Variants in PTPRM observed in about 807,000 individuals in gnomAD.
PTPRM encodes protein tyrosine phosphatase receptor type M, also known as receptor-type tyrosine-protein phosphatase mu.
A neutral mutation model predicts 186.7 loss-of-function variants in PTPRM; 47 were observed. The observed-to-expected ratio is 0.25, with a 90% CI of 0.20 to 0.32. The LOEUF (loss-of-function observed/expected upper bound fraction) is 0.32, where lower values mean the gene tolerates loss of function less well. Ranked by LOEUF, PTPRM falls within the 10% of genes least tolerant of loss-of-function variation. PTPRM has a pLI of 1.00. For missense variants in PTPRM, 1,494 were observed against 1,865.0 expected, an observed-to-expected ratio of 0.80 and a Z score of 3.66; for synonymous variants, 668 against 674.9, an observed-to-expected ratio of 0.99 and a Z score of 0.16.
At chr18:7,770,500 G>A (rs528905289) in intron 1 of PTPRM, among the ~76,000 whole-genome samples, 2 of 152,288 alleles carry the variant, frequency 1.3e-5, no homozygotes, top group East Asian at 1.9e-4. Context: ...ATTGATGCTG[G>A]CTGAACATGC....
chr18:8,399,654 C>G (rs1337304984), intron 32 of PTPRM: 2 of 152,208 alleles, frequency 1.3e-5, no homozygotes, highest in Admixed American at 6.5e-5. Flanking sequence ...CGCTGCACCC[C>G]CTTTACAGAG....
At chr18:8,239,068 A>G (rs1252142307) in intron 14 of PTPRM, among the ~76,000 whole-genome samples, 1 of 149,764 alleles carries the variant, frequency 6.7e-6, no homozygotes, top group Non-Finnish European at 1.5e-5. Flanking sequence ...ATATGTATAC[A>G]TGTGCCATGC....
At chr18:7,836,598 C>CAGATG (rs1346751190) in intron 2 of PTPRM, among the ~76,000 whole-genome samples, 18 of 152,240 alleles carry the variant, frequency 1.2e-4, no homozygotes, top group African/African-American at 4.1e-4. Flanking sequence ...AAGTGAGCTT[C>CAGATG]AGATGATATA....
intron 27 of PTPRM, 145 bp downstream of exon 27, chr18:8,378,559 C>G (rs2095710876): frequency 1.0e-6 from 1 of 1,004,166 alleles, no homozygotes; most frequent in Non-Finnish European, 1.4e-6. Context: ...TAACCCAGAG[C>G]TCTACCCAGG....
intron 2 of PTPRM, among the ~76,000 whole-genome samples, chr18:7,775,160 G>T: frequency 6.6e-6 from 1 of 152,214 alleles, no homozygotes; most frequent in East Asian, 1.9e-4. Flanking sequence ...AGAGTTTAAT[G>T]TTGTCACTAA....
chr18:7,661,725 C>T (rs1375857996), intron 1 of PTPRM, among the ~76,000 whole-genome samples: 1 of 152,156 alleles, frequency 6.6e-6, no homozygotes, highest in Non-Finnish European at 1.5e-5. Flanking sequence ...ATTTGCACTG[C>T]CAGAATATAA....
At chr18:7,683,294 C>T (rs1246618017) in intron 1 of PTPRM, among the ~76,000 whole-genome samples, 2 of 151,606 alleles carry the variant, frequency 1.3e-5, no homozygotes, top group African/African-American at 2.4e-5. Flanking sequence ...CTCAGCCTCT[C>T]GAGTAGCTAG....
At chr18:7,933,587 C>T (rs947597074) in intron 5 of PTPRM, among the ~76,000 whole-genome samples, 10 of 152,134 alleles carry the variant, frequency 6.6e-5, no homozygotes, top group Non-Finnish European at 1.2e-4. Flanking sequence ...CTGGTACAAC[C>T]GAGCACCTAG....
At chr18:7,605,693 G>T (rs2037515146) in intron 1 of PTPRM, among the ~76,000 whole-genome samples, 2 of 152,316 alleles carry the variant, frequency 1.3e-5, no homozygotes, top group East Asian at 1.9e-4. Context: ...AATGTTACCT[G>T]TTGTGGACAG....
intron 19 of PTPRM, among the ~76,000 whole-genome samples, chr18:8,287,528 G>A (rs191820565): frequency 5.3e-5 from 8 of 152,322 alleles, no homozygotes; most frequent in Admixed American, 4.6e-4. Flanking sequence ...GCAGGCAAGA[G>A]ATGGGTTGGA....
At chr18:7,917,484 C>T (rs1005441047) in intron 4 of PTPRM, among the ~76,000 whole-genome samples, 9 of 152,096 alleles carry the variant, frequency 5.9e-5, no homozygotes, top group Admixed American at 4.6e-4. Flanking sequence ...TGCAGTGAGC[C>T]CAGCTCGCGC....
chr18:8,146,402 C>A (rs1171552184), intron 14 of PTPRM, among the ~76,000 whole-genome samples: 1 of 151,994 alleles, frequency 6.6e-6, no homozygotes, highest in Non-Finnish European at 1.5e-5. Context: ...CTCTAACGAC[C>A]GGTGATGATA....
intron 9 of PTPRM, among the ~76,000 whole-genome samples, chr18:8,083,384 G>A (rs892063384): frequency 7.2e-5 from 11 of 152,024 alleles, no homozygotes; most frequent in East Asian, 1.9e-4. Context: ...ACTCACTCCC[G>A]CTTCACTGCC....
At position 8,121,681 on chromosome 18, in the gene PTPRM, A is replaced by G. The variant is rs543323640; in HGVS notation, c.2167+6854A>G. ...GAAAAAATAAAGTTCCTGAATGGAA[A>G]GCTGCATGAAATTTAGATATCAGAG... On this transcript the variant is annotated intron_variant, in intron 13 of 32. Transcript: ENST00000580170. 2.9e-4 allele frequency among the ~76,000 whole-genome samples: 44 copies of G among 152,364 alleles called. No homozygotes were observed. In the South Asian group the frequency reaches 5.8e-3, roughly 20 times the overall value.
intron 7 of PTPRM, among the ~76,000 whole-genome samples, chr18:8,004,742 C>A: frequency 6.6e-6 from 1 of 152,088 alleles, no homozygotes; most frequent in East Asian, 1.9e-4. Flanking sequence ...TTGCACGAAG[C>A]CAGAAGGAGC....
intron 7 of PTPRM, among the ~76,000 whole-genome samples, chr18:7,986,941 G>GGA (rs1266858653): frequency 6.6e-6 from 1 of 152,146 alleles, no homozygotes; most frequent in African/African-American, 2.4e-5. Context: ...GAGGACACAG[G>GGA]GAGAACACAT....
intron 3 of PTPRM, among the ~76,000 whole-genome samples, chr18:7,896,603 T>C (rs1368154783): frequency 6.6e-6 from 1 of 152,144 alleles, no homozygotes; most frequent in African/African-American, 2.4e-5. Context: ...CTATAGGGAA[T>C]GGGAGGATAA....
intron 7 of PTPRM, 86 bp downstream of exon 7, chr18:7,955,500 G>A (rs549970676): frequency 1.7e-4 from 241 of 1,440,862 alleles, no homozygotes; most frequent in African/African-American, 4.5e-4. Flanking sequence ...TGCCTAGCAC[G>A]CTTCCCCTAG....
chr18:7,976,247 A>G (rs1367363306), intron 7 of PTPRM, among the ~76,000 whole-genome samples: 1 of 152,234 alleles, frequency 6.6e-6, no homozygotes, highest in Non-Finnish European at 1.5e-5. Context: ...GACATTCTGG[A>G]AAAGGCCAAA....
Sources: gnomAD v4.1 joint callset for allele counts (sites outside exome capture counted in the v4.1 genomes callset) on GRCh38, gnomAD v4.1.1 for gene constraint, MANE v1.5 for transcripts, NCBI Gene and HGNC (gene_info 2026-07-23, HGNC 2026-07-21) for gene names.